The following TBCD variants were observed in gnomAD, a reference collection of about 807,000 sequenced individuals.
TBCD encodes tubulin folding cofactor D.
In TBCD, 105 loss-of-function variants were observed where a neutral mutation model predicts 169.3. That is an observed-to-expected ratio of 0.62 (90% CI 0.53 to 0.73). TBCD has a LOEUF of 0.73. TBCD is among the 30% of genes least tolerant of loss of function. TBCD has a pLI of 0.00. For missense variants in TBCD, 1,444 were observed against 1,600.1 expected (o/e 0.90, Z 1.66); for synonymous variants, 700 against 643.9 (o/e 1.09, Z -1.32).
At chr17:82,886,801 C>G (rs1014727033) in intron 15 of TBCD, among the ~76,000 whole-genome samples, 4 of 149,536 alleles carry the variant, frequency 2.7e-5, no homozygotes, top group Non-Finnish European at 5.9e-5. Flanking sequence ...TCCCGAGTAG[C>G]TGGGATTACA....
Position 82,889,604 on chromosome 17 carries a change from C to G in TBCD, c.1534-64C>G. 6.2e-7 allele frequency: 1 copy of G among 1,605,044 alleles called. No homozygotes were observed. Among genetic ancestry groups the G allele is most frequent in the East Asian group, 2.2e-5 (1 of 44,836 alleles). The stretch of plus-strand genomic sequence containing the variant: ...TTCACGTTGTGCTGTTTGTTCTGAA[C>G]TTGCCTCTGGTGTTGGCGGAAGCTG... On this transcript the variant is annotated intron_variant, in intron 15 of 38. Transcript: ENST00000355528. This position sits in a 1 kb window ranked among gnomAD's most constrained non-coding sequence, Gnocchi z 5.3.
At position 82,789,879 on chromosome 17, in the gene TBCD, C is replaced by T. The variant is rs1019913719; in HGVS notation, c.772-7878C>T. On this transcript the variant is annotated intron_variant, in intron 7 of 38. Transcript: ENST00000355528. The surrounding 1 kb of genome is among the most constrained non-coding windows in gnomAD (Gnocchi z 4.8). ...ACTTTCCCCTCCTGGCCTGTTTACC[C>T]GGGAGCCCAGCAACAAATGGGAGCT... Among the ~76,000 whole-genome samples the T allele has an allele frequency of 1.3e-5, 2 of 152,200 alleles. No homozygotes were observed.
chr17:82,752,477 C>T, intron 1 of TBCD, 100 bp downstream of exon 1: 1 of 1,005,468 alleles, frequency 9.9e-7, no homozygotes, highest in Non-Finnish European at 1.2e-6. Context: ...CGGCGCCGGC[C>T]GCTCTGCGAG....
chr17:82,941,303 C>T (rs1465609132), intron 37 of TBCD, 96 bp from the exon 38 acceptor site: 1 of 1,089,440 alleles, frequency 9.2e-7, no homozygotes, highest in Non-Finnish European at 1.3e-6. Context: ...TCTCCTTTCC[C>T]TGACTGCGGC....
At chr17:82,902,709 C>T (rs918611786) in intron 18 of TBCD, among the ~76,000 whole-genome samples, 7 of 152,210 alleles carry the variant, frequency 4.6e-5, no homozygotes, top group Non-Finnish European at 1.0e-4. Context: ...GGACAGACAC[C>T]CGCCTTCTGC....
At chr17:82,834,243 C>T (rs1196675553) in intron 13 of TBCD, among the ~76,000 whole-genome samples, 1 of 152,122 alleles carries the variant, frequency 6.6e-6, no homozygotes, top group African/African-American at 2.4e-5. Context: ...CCACCGCACC[C>T]GTCCCAGAAC....
chr17:82,764,350 C>T (rs1379636172), intron 3 of TBCD, among the ~76,000 whole-genome samples: 1 of 152,078 alleles, frequency 6.6e-6, no homozygotes, highest in Non-Finnish European at 1.5e-5. Context: ...AAACTTCTTA[C>T]AAGGAGAAAG....
intron 5 of TBCD, among the ~76,000 whole-genome samples, chr17:82,768,899 T>C (rs2048161675): frequency 6.6e-6 from 1 of 152,228 alleles, no homozygotes; most frequent in Non-Finnish European, 1.5e-5. Context: ...TAGATGCTCA[T>C]TTGTAGGAGA....
intron 32 of TBCD, chr17:82,929,916 G>A (rs572947950): frequency 8.5e-6 from 3 of 354,684 alleles, no homozygotes; most frequent in Admixed American, 8.0e-5. Flanking sequence ...CAGAGCCTTG[G>A]TCTGTGGCTG....
At chr17:82,794,560 G>A (rs1444373234) in intron 7 of TBCD, among the ~76,000 whole-genome samples, 1 of 152,076 alleles carries the variant, frequency 6.6e-6, no homozygotes, top group Non-Finnish European at 1.5e-5. Context: ...CCTAGCTTAT[G>A]AGCACTCAAG....
intron 2 of TBCD, among the ~76,000 whole-genome samples, chr17:82,759,045 C>T (rs577929406): frequency 1.3e-5 from 2 of 152,138 alleles, no homozygotes; most frequent in African/African-American, 2.4e-5. Flanking sequence ...GATGGGATCT[C>T]GCTCTGTCAC....
At chr17:82,882,521 C>T (rs1004204978) in intron 14 of TBCD, among the ~76,000 whole-genome samples, 3 of 152,210 alleles carry the variant, frequency 2.0e-5, no homozygotes, top group Non-Finnish European at 4.4e-5. Context: ...GAGCCCATGC[C>T]CTGGGGACTC....
Position 82,884,203 on chromosome 17 carries a change from G to C in TBCD, c.1533+1G>C. On this transcript the variant is annotated splice_donor_variant, in intron 15 of 38. Transcript: ENST00000355528. LOFTEE classifies it high-confidence loss of function. The surrounding 1 kb of genome is among the most constrained non-coding windows in gnomAD (Gnocchi z 4.2). ...CATAAACTGCAGAAGAGCAGCCTCT[G>C]TAAGTTTTCTCATTTTGATATTTCC... 3 of 1,605,804 alleles carry C rather than the reference G, an allele frequency of 1.9e-6. No individual in the cohort carries two copies. Among genetic ancestry groups the C allele is most frequent in the Non-Finnish European group, 2.6e-6 (3 of 1,175,626 alleles).
At chr17:82,882,598 C>T (rs949930912) in intron 14 of TBCD, among the ~76,000 whole-genome samples, 9 of 152,240 alleles carry the variant, frequency 5.9e-5, no homozygotes, top group Admixed American at 4.6e-4. Context: ...GAGAGGTGTG[C>T]TGTGAACCTG....
Position 82,806,493 on chromosome 17 carries a change from A to G in TBCD, c.1087+482A>G, listed in dbSNP as rs1326212539. ...CCTGCTGCACAGAGACAGAGCCATCAGCGGAGCCCCTCATGGCGGCCATCC... is the reference window on the plus strand; with the variant it reads ...CCTGCTGCACAGAGACAGAGCCATCGGCGGAGCCCCTCATGGCGGCCATCC... On this transcript the variant is annotated intron_variant, in intron 10 of 38. Coordinates refer to ENST00000355528, the MANE Select transcript of TBCD (RefSeq NM_005993.5). The surrounding 1 kb of genome is among the most constrained non-coding windows in gnomAD (Gnocchi z 5.1). Among the ~76,000 whole-genome samples the G allele has an allele frequency of 6.6e-6, 1 of 152,076 alleles. No homozygotes were observed. Among genetic ancestry groups the G allele is most frequent in the Non-Finnish European group, 1.5e-5 (1 of 68,000 alleles).
rs776479103 is a variant in TBCD at position 82,920,011 on chromosome 17, C to T, written c.2039-545C>T. 1.3e-5 allele frequency among the ~76,000 whole-genome samples: 2 copies of T among 152,174 alleles called. No individual in the cohort carries two copies. The highest frequency in any genetic ancestry group is 4.8e-5 in the African/African-American group (2 of 41,438). On this transcript the variant is annotated intron_variant, in intron 23 of 38. Coordinates refer to ENST00000355528, the MANE Select transcript of TBCD (RefSeq NM_005993.5). This position sits in a 1 kb window ranked among gnomAD's most constrained non-coding sequence, Gnocchi z 4.1. The stretch of plus-strand genomic sequence containing the variant: ...GGTGGGAGCTAGAGCAGTGTGTGGC[C>T]GTGGGAGCTGCTGATGCTGTCCAGT...
At position 82,758,400 on chromosome 17, in the gene TBCD, AAAAT is replaced by A. The variant is rs1555672642; in HGVS notation, c.235+2202_235+2205del. Among the ~76,000 whole-genome samples, 555 of 99,436 alleles carry A rather than the reference AAAAT, an allele frequency of 5.6e-3. 6 individuals carry two copies. The highest frequency in any genetic ancestry group is 6.6e-3 in the Non-Finnish European group (345 of 52,094). The allele number at this position is 99,436 out of a possible 152,430, so 65.2% of individuals were successfully genotyped here. ...AACGTCTCGGAAAAAAAAAAAAAAAAAAATAAATAAATAAATAAATTTTTTTTTT... is the reference window on the plus strand; with the variant it reads ...AACGTCTCGGAAAAAAAAAAAAAAAAAAATAAATAAATAAATTTTTTTTTT... On this transcript the variant is annotated intron_variant, in intron 2 of 38. Transcript: ENST00000355528.
chr17:82,886,462 T>C (rs1042862968), intron 15 of TBCD, among the ~76,000 whole-genome samples: 3 of 151,750 alleles, frequency 2.0e-5, no homozygotes, highest in Non-Finnish European at 4.4e-5. Flanking sequence ...TTGTTCATCA[T>C]GAGGAAGGGA....
intron 38 of TBCD, chr17:82,942,018 G>A: frequency 3.7e-6 from 1 of 270,028 alleles, no homozygotes; most frequent in South Asian, 6.0e-5. Context: ...TCCGGCAGGA[G>A]GTTATATCTG....
Sources: allele counts gnomAD v4.1 joint callset (sites outside exome capture counted in the v4.1 genomes callset), GRCh38; gene constraint gnomAD v4.1.1; non-coding constraint Gnocchi (gnomAD v3.1); transcripts MANE v1.5; gene names NCBI Gene and HGNC (gene_info 2026-07-23, HGNC 2026-07-21).